Variants in RANBP10 observed in about 807,000 individuals in gnomAD.
RANBP10 encodes the protein ran-binding protein 10.
A neutral mutation model predicts 72.8 loss-of-function variants in RANBP10; 24 were observed. That is an observed-to-expected ratio of 0.33 (90% CI 0.24 to 0.46). RANBP10 has a LOEUF of 0.46. Ranked by LOEUF, RANBP10 falls within the 20% of genes least tolerant of loss-of-function variation. The pLI, the probability that RANBP10 is intolerant of heterozygous loss-of-function variation, is 1.00. For missense variants in RANBP10, 679 were observed against 817.5 expected (o/e 0.83, Z 2.07); for synonymous variants, 310 against 322.3 (o/e 0.96, Z 0.41).
At chr16:67,777,884 T>C (rs1490317476) in intron 2 of RANBP10, among the ~76,000 whole-genome samples, 1 of 152,178 alleles carries the variant, frequency 6.6e-6, no homozygotes, top group Non-Finnish European at 1.5e-5. Flanking sequence ...TAAATCAGTT[T>C]AAGACTCGCA....
chr16:67,730,976 A>G lies in RANBP10; in HGVS notation c.889+496T>C. ...AGAGCTCTGGCCAAGGGAGGACTTTAGGTTGTCTGCAAAGGGCAGGACCAG... is the reference window on the plus strand; with the variant it reads ...AGAGCTCTGGCCAAGGGAGGACTTTGGGTTGTCTGCAAAGGGCAGGACCAG... On this transcript the variant is annotated intron_variant, in intron 7 of 13. Coordinates refer to ENST00000317506, the MANE Select transcript of RANBP10 (RefSeq NM_020850.3). This position sits in a 1 kb window ranked among gnomAD's most constrained non-coding sequence, Gnocchi z 4.3. 1 of 156,820 alleles carries G rather than the reference A, an allele frequency of 6.4e-6. No individual in the cohort carries two copies. The highest frequency in any genetic ancestry group is 1.4e-5 in the Non-Finnish European group (1 of 71,930). 9.7% of individuals were successfully genotyped at this position (156,820 alleles called of 1,614,324 possible). A position where few individuals can be genotyped will look rare whatever the true frequency, so the allele number is the denominator to read the frequency against.
intron 4 of RANBP10, among the ~76,000 whole-genome samples, chr16:67,741,159 T>C (rs2053962265): frequency 6.6e-6 from 1 of 152,216 alleles, no homozygotes; most frequent in African/African-American, 2.4e-5. Context: ...TGAGACATTC[T>C]GTGAAAGCTA....
At chr16:67,777,551 A>T (rs933513981) in intron 2 of RANBP10, among the ~76,000 whole-genome samples, 3 of 152,204 alleles carry the variant, frequency 2.0e-5, no homozygotes, top group African/African-American at 7.2e-5. Flanking sequence ...AAAACGAAAA[A>T]AAAAGTAAAA....
chr16:67,770,315 G>A (rs1259306003), intron 3 of RANBP10, among the ~76,000 whole-genome samples: 10 of 151,798 alleles, frequency 6.6e-5, no homozygotes, highest in South Asian at 2.1e-4. Flanking sequence ...TGCCACACAC[G>A]TTCTGATTAA....
In RANBP10 at chr16:67,730,455, T is replaced by G. The variant is rs1308812532; in HGVS notation, c.890-409A>C. On this transcript the variant is annotated intron_variant, in intron 7 of 13. Coordinates refer to ENST00000317506, the MANE Select transcript of RANBP10 (RefSeq NM_020850.3). This position sits in a 1 kb window ranked among gnomAD's most constrained non-coding sequence, Gnocchi z 4.3. ...AGACAGACTCCTCTCCTTCCAGGCC[T>G]CACAGGGGAATGGCAATGGAATCAC... Among the ~76,000 whole-genome samples the G allele has an allele frequency of 6.6e-6, 1 of 152,088 alleles. No homozygotes were observed. Among genetic ancestry groups the G allele is most frequent in the African/African-American group, 2.4e-5 (1 of 41,434 alleles).
intron 3 of RANBP10, among the ~76,000 whole-genome samples, chr16:67,767,186 G>A (rs1371593714): frequency 6.6e-6 from 1 of 152,114 alleles, no homozygotes; most frequent in Non-Finnish European, 1.5e-5. Flanking sequence ...AGACTAGGCT[G>A]GCTCCATATG....
chr16:67,728,662 A>G (rs1017232681), intron 10 of RANBP10, 151 bp from the exon 11 acceptor site: 55 of 1,423,576 alleles, frequency 3.9e-5, no homozygotes, highest in Non-Finnish European at 4.9e-5. Flanking sequence ...CCAAGTCTTC[A>G]GCACTTGGCC....
intron 4 of RANBP10, 44 bp from the exon 5 acceptor site, chr16:67,738,079 T>C (rs375291180): frequency 1.3e-6 from 2 of 1,554,242 alleles, no homozygotes; most frequent in Non-Finnish European, 8.7e-7. Context: ...CCCCTGGGGC[T>C]ACTCTGCCTC....
chr16:67,804,713 G>C (rs1200785086), intron 2 of RANBP10, among the ~76,000 whole-genome samples: 1 of 152,056 alleles, frequency 6.6e-6, no homozygotes, highest in Non-Finnish European at 1.5e-5. Context: ...ATTTTTAGTA[G>C]AGACAGGGTT....
intron 3 of RANBP10, among the ~76,000 whole-genome samples, chr16:67,769,948 C>A (rs2054579962): frequency 6.6e-6 from 1 of 151,410 alleles, no homozygotes; most frequent in Non-Finnish European, 1.5e-5. Context: ...ATCTGTAGTG[C>A]CAGCTAAAGG....
intron 5 of RANBP10, among the ~76,000 whole-genome samples, chr16:67,736,036 G>A (rs1395126085): frequency 6.6e-6 from 1 of 152,002 alleles, no homozygotes; most frequent in African/African-American, 2.4e-5. Flanking sequence ...TGGTTCCTGT[G>A]GCTCCCCACT....
rs1215128240 is a variant in RANBP10 at position 67,724,376 on chromosome 16, CAA to C, written c.*2050_*2051del. ...CCTGGGCCTGTTTCCTTATTTGTAG[CAA>C]GAGAGGAATGGGGGAGATGTTCACT... On this transcript the variant is annotated 3_prime_UTR_variant, in exon 14 of 14. Transcript: ENST00000317506. 6.6e-6 allele frequency: 1 copy of C among 152,094 alleles called. No individual in the cohort carries two copies. The highest frequency in any genetic ancestry group is 2.4e-5 in the African/African-American group (1 of 41,326). 9.4% of individuals were successfully genotyped at this position (152,094 alleles called of 1,614,324 possible).
chr16:67,724,811 C>T lies in RANBP10; in HGVS notation c.*1617G>A, dbSNP rs1191850024. ...CAATATGGAGCAGGAGCTTGCAAAG[C>T]CCAGATTCAGGCAGGGACTGAAAGT... On this transcript the variant is annotated 3_prime_UTR_variant, in exon 14 of 14. Coordinates refer to ENST00000317506, the MANE Select transcript of RANBP10 (RefSeq NM_020850.3). 6.6e-6 allele frequency: 1 copy of T among 152,292 alleles called. No homozygotes were observed. Among genetic ancestry groups the T allele is most frequent in the Non-Finnish European group, 1.5e-5 (1 of 68,088 alleles). The allele number at this position is 152,292 out of a possible 1,614,324, so 9.4% of individuals were successfully genotyped here.
intron 2 of RANBP10, among the ~76,000 whole-genome samples, chr16:67,801,781 C>A: frequency 6.6e-6 from 1 of 151,758 alleles, no homozygotes; most frequent in Non-Finnish European, 1.5e-5. Context: ...ACAGCAAGAT[C>A]CCATCTCTAT....
chr16:67,747,823 T>C (rs1028921678), intron 3 of RANBP10, among the ~76,000 whole-genome samples: 22 of 148,534 alleles, frequency 1.5e-4, no homozygotes, highest in South Asian at 2.1e-4. Flanking sequence ...TTTTCTTTTT[T>C]TTTTTTTTTT....
chr16:67,755,738 C>T (rs1458500108), intron 3 of RANBP10, among the ~76,000 whole-genome samples: 1 of 150,620 alleles, frequency 6.6e-6, no homozygotes, highest in Non-Finnish European at 1.5e-5. Context: ...TTGGGTCAGG[C>T]CCTGCAGGGA....
At chr16:67,758,368 T>C (rs2054329636) in intron 3 of RANBP10, among the ~76,000 whole-genome samples, 1 of 152,204 alleles carries the variant, frequency 6.6e-6, no homozygotes, top group Non-Finnish European at 1.5e-5. Context: ...TGGGTTTAGC[T>C]TTTGCTTGTT....
intron 3 of RANBP10, among the ~76,000 whole-genome samples, chr16:67,768,657 A>C (rs1011279548): frequency 6.6e-6 from 1 of 152,200 alleles, no homozygotes; most frequent in African/African-American, 2.4e-5. Context: ...TTGAGGCTGC[A>C]GTGAGCCATG....
intron 5 of RANBP10, among the ~76,000 whole-genome samples, chr16:67,737,175 GA>G (rs2053865307): frequency 2.4e-5 from 3 of 126,486 alleles, no homozygotes; most frequent in African/African-American, 6.1e-5. Flanking sequence ...TAAGCAAGCA[GA>G]AAACTCCATC....
Sources: gnomAD v4.1 joint callset for allele counts (sites outside exome capture counted in the v4.1 genomes callset) on GRCh38, gnomAD v4.1.1 for gene constraint, Gnocchi (gnomAD v3.1) non-coding constraint, MANE v1.5 for transcripts, NCBI Gene and HGNC (gene_info 2026-07-23, HGNC 2026-07-21) for gene names.